Variants in GPC5 observed in about 807,000 individuals in gnomAD.
GPC5 encodes glypican 5.
A neutral mutation model predicts 53.9 loss-of-function variants in GPC5; 47 were observed. The ratio of observed to expected loss-of-function variants is 0.87; its 90% CI spans 0.69 to 1.11. GPC5 has a LOEUF of 1.11. GPC5 is among the 50% of genes most tolerant of loss of function. The pLI, the probability that GPC5 is intolerant of heterozygous loss-of-function variation, is 0.00. For synonymous variants in GPC5, 286 were observed against 263.3 expected (o/e 1.09, Z -0.84); for missense variants, 748 against 713.1 (o/e 1.05, Z -0.56).
intron 7 of GPC5, among the ~76,000 whole-genome samples, chr13:92,433,728 G>C (rs1172211193): frequency 2.0e-5 from 3 of 152,138 alleles, no homozygotes; most frequent in African/African-American, 7.2e-5. Context: ...AGGTGAGTAG[G>C]TTATATTAAA....
chr13:91,904,318 G>A (rs537481962), intron 5 of GPC5, among the ~76,000 whole-genome samples: 15 of 151,322 alleles, frequency 9.9e-5, no homozygotes, highest in Admixed American at 7.9e-4. Context: ...GGGACTAAAG[G>A]CTCATGCCAT....
At position 91,448,805 on chromosome 13, in the gene GPC5, A is replaced by G. The variant is rs762782899; in HGVS notation, c.208A>G (p.Thr70Ala). 6.8e-6 allele frequency: 11 copies of G among 1,613,662 alleles called. 1 individual carries two copies. In the South Asian group the frequency reaches 1.2e-4, roughly 18 times the overall value. ...CATATCCAAAAAGCCTACATGTTGC[A>G]CCAGGAAGATGGAGGAGAGATATCA... ...VCISKKPTCC[T>A]RKMEERYQIA... Residue 70 changes from threonine (T) to alanine (A), a missense_variant, in exon 2 of 8, where the codon ACC becomes GCC. Thr to Ala is a moderately conservative substitution (Grantham distance 58). Coordinates refer to ENST00000377067, the MANE Select transcript of GPC5 (RefSeq NM_004466.6).
intron 5 of GPC5, among the ~76,000 whole-genome samples, chr13:91,843,552 C>T (rs2038813798): frequency 6.6e-6 from 1 of 152,156 alleles, no homozygotes. Flanking sequence ...ATTTCCCTCA[C>T]CTTGTAATAG....
chr13:92,607,861 A>G lies in GPC5; in HGVS notation c.1562-258421A>G, dbSNP rs186871086. 2.9e-3 allele frequency among the ~76,000 whole-genome samples: 444 copies of G among 152,232 alleles called. 3 individuals carry two copies. Among genetic ancestry groups the G allele is most frequent in the African/African-American group, 9.9e-3 (412 of 41,552 alleles). ...TGGGTTTGAATTCTGCAGGCGCTTTACACGCAGATTCTCTTCCACCTCTGC... is the reference window on the plus strand; with the variant it reads ...TGGGTTTGAATTCTGCAGGCGCTTTGCACGCAGATTCTCTTCCACCTCTGC... On this transcript the variant is annotated intron_variant, in intron 7 of 7. Transcript: ENST00000377067.
chr13:92,274,207 G>A (rs922064713), intron 7 of GPC5, among the ~76,000 whole-genome samples: 3 of 151,938 alleles, frequency 2.0e-5, no homozygotes, highest in Non-Finnish European at 4.4e-5. Flanking sequence ...TTATAGATAC[G>A]GATTACATGG....
At chr13:92,672,504 A>G (rs938858819) in intron 7 of GPC5, among the ~76,000 whole-genome samples, 6 of 152,220 alleles carry the variant, frequency 3.9e-5, no homozygotes, top group Non-Finnish European at 7.3e-5. Flanking sequence ...AGACAGAAAT[A>G]GCATTTGACC....
rs537486523 is a variant in GPC5, at chr13:91,992,664, G to A, written c.1401+84607G>A. Reference sequence around the variant, plus strand: ...GTAGAGATGGAGATTCACTGTGTTGGCCAGGCTGGTTTTGAACACCTGACC... The same window carrying A: ...GTAGAGATGGAGATTCACTGTGTTGACCAGGCTGGTTTTGAACACCTGACC... On this transcript the variant is annotated intron_variant, in intron 6 of 7. Coordinates refer to ENST00000377067, the MANE Select transcript of GPC5 (RefSeq NM_004466.6). 9.9e-5 allele frequency among the ~76,000 whole-genome samples: 15 copies of A among 151,636 alleles called. No homozygotes were observed. The South Asian group carries it at 2.9e-3, about 30-fold the overall frequency.
At chr13:91,813,333 G>T (rs1444674941) in intron 5 of GPC5, among the ~76,000 whole-genome samples, 1 of 152,164 alleles carries the variant, frequency 6.6e-6, no homozygotes, top group Non-Finnish European at 1.5e-5. Flanking sequence ...GAGCTCTGAG[G>T]GGAGCTTTGT....
chr13:92,343,811 C>A (rs2043387035), intron 7 of GPC5, among the ~76,000 whole-genome samples: 1 of 151,756 alleles, frequency 6.6e-6, no homozygotes. Flanking sequence ...CTGTTAAAAC[C>A]TATTATTTAT....
At chr13:92,581,953 G>A (rs532815352) in intron 7 of GPC5, among the ~76,000 whole-genome samples, 24 of 152,032 alleles carry the variant, frequency 1.6e-4, no homozygotes, top group Non-Finnish European at 2.1e-4. Flanking sequence ...GGATATCAAC[G>A]CATTACCAGA....
chr13:92,091,641 C>T (rs915415480), intron 6 of GPC5, among the ~76,000 whole-genome samples: 7 of 151,648 alleles, frequency 4.6e-5, no homozygotes, highest in Admixed American at 2.6e-4. Context: ...AAATGTACCA[C>T]GAATGACACA....
chr13:92,222,887 A>T (rs2042459557), intron 7 of GPC5, among the ~76,000 whole-genome samples: 1 of 152,176 alleles, frequency 6.6e-6, no homozygotes, highest in Non-Finnish European at 1.5e-5. Flanking sequence ...AAATTATAAT[A>T]GTTTGATGGC....
chr13:92,523,942 A>AT (rs1881172681), intron 7 of GPC5, among the ~76,000 whole-genome samples: 4 of 152,100 alleles, frequency 2.6e-5, no homozygotes, highest in Non-Finnish European at 5.9e-5. Context: ...TTATTGTTAA[A>AT]AATTGCTAAC....
At chr13:91,445,328 G>GA (rs1231000751) in intron 1 of GPC5, among the ~76,000 whole-genome samples, 1 of 152,158 alleles carries the variant, frequency 6.6e-6, no homozygotes, top group African/African-American at 2.4e-5. Flanking sequence ...AGGAGGGCTA[G>GA]AAAGTGGCTA....
intron 7 of GPC5, among the ~76,000 whole-genome samples, chr13:92,337,991 G>T (rs543058308): frequency 6.6e-6 from 1 of 152,138 alleles, no homozygotes; most frequent in South Asian, 2.1e-4. Flanking sequence ...CTTCTGCTCC[G>T]TGAAAGAATA....
At chr13:91,565,326 C>A (rs1442271067) in intron 2 of GPC5, among the ~76,000 whole-genome samples, 2 of 152,166 alleles carry the variant, frequency 1.3e-5, no homozygotes, top group East Asian at 3.8e-4. Context: ...AGAGTTTATA[C>A]TGCTTCAACA....
In GPC5 at chr13:91,794,568, T is replaced by G. The variant is rs184187936; in HGVS notation, c.1280+38148T>G. Among the ~76,000 whole-genome samples the G allele has an allele frequency of 2.9e-3, 436 of 152,344 alleles. 1 individual carries two copies. The highest frequency in any genetic ancestry group is 5.1e-3 in the Non-Finnish European group (346 of 68,032). ...TTACATGTCTGGCTGCTAAGGAATTTTAGGAGAGATGGCTCCTGTTAATTT... is the reference window on the plus strand; with the variant it reads ...TTACATGTCTGGCTGCTAAGGAATTGTAGGAGAGATGGCTCCTGTTAATTT... On this transcript the variant is annotated intron_variant, in intron 5 of 7. Coordinates refer to ENST00000377067, the MANE Select transcript of GPC5 (RefSeq NM_004466.6).
chr13:92,125,924 G>GTTTTTTTTTTTTTT (rs1190169532), intron 6 of GPC5, among the ~76,000 whole-genome samples: 9 of 75,870 alleles, frequency 1.2e-4, no homozygotes, highest in African/African-American at 4.2e-4. Flanking sequence ...TTGTTTTTTG[G>GTTTTTTTTTTTTTT]TTTTTTTTTT....
intron 6 of GPC5, among the ~76,000 whole-genome samples, chr13:91,949,920 C>A (rs965854335): frequency 1.2e-4 from 18 of 152,134 alleles, no homozygotes; most frequent in Non-Finnish European, 2.1e-4. Flanking sequence ...CTAACAGGAA[C>A]CTCTTGGCTT....
Sources: allele counts gnomAD v4.1 joint callset (sites outside exome capture counted in the v4.1 genomes callset), GRCh38; gene constraint gnomAD v4.1.1; transcripts MANE v1.5; gene names NCBI Gene and HGNC (gene_info 2026-07-23, HGNC 2026-07-21).